Variants in CAST observed in about 807,000 individuals in gnomAD.
CAST encodes MIR583 host.
CAST carries 76 observed loss-of-function variants against 119.6 expected under a neutral mutation model. The ratio of observed to expected loss-of-function variants is 0.64; its 90% CI spans 0.53 to 0.77. The LOEUF is 0.77. Among genes scored for constraint, CAST ranks in the 30% least tolerant of loss-of-function variants. CAST has a pLI of 0.00. For synonymous variants in CAST, 319 were observed against 331.6 expected (o/e 0.96, Z 0.41); for missense variants, 953 against 946.5 (o/e 1.01, Z -0.09).
At chr5:96,469,123 T>A in the CAST span, among the ~76,000 whole-genome samples, 1 of 152,076 alleles carries the variant, frequency 6.6e-6, no homozygotes, top group Non-Finnish European at 1.5e-5. Context: ...ACCATAGCTA[T>A]GATTCATTCA....
At chr5:96,106,202 T>A in the CAST span, among the ~76,000 whole-genome samples, 1 of 152,308 alleles carries the variant, frequency 6.6e-6, no homozygotes, top group East Asian at 1.9e-4. Context: ...GATTCATTAA[T>A]TTTTTGTGTC....
chr5:96,211,790 A>G, the CAST span, among the ~76,000 whole-genome samples: 7 of 152,030 alleles, frequency 4.6e-5, no homozygotes. Context: ...GAGAACTTTA[A>G]GATTATGAAT....
the CAST span, among the ~76,000 whole-genome samples, chr5:96,075,649 A>T: frequency 8.9e-3 from 1,360 of 152,304 alleles, 30 homozygotes; most frequent in African/African-American, 0.032. Flanking sequence ...AGAGTTTTCA[A>T]AGTATTGAGT....
chr5:96,513,129 G>T, the CAST span, among the ~76,000 whole-genome samples: 1 of 152,208 alleles, frequency 6.6e-6, no homozygotes, highest in South Asian at 2.1e-4. Context: ...GCTGCTAATT[G>T]GTTGTATGAC....
chr5:96,768,069 A>G (rs1244502738), intron 29 of CAST, 70 bp downstream of exon 29: 4 of 980,514 alleles, frequency 4.1e-6, no homozygotes, highest in Non-Finnish European at 6.6e-6. Flanking sequence ...TATAAGTTTT[A>G]TTTATTGATT....
At chr5:96,493,506 T>C in the CAST span, among the ~76,000 whole-genome samples, 1 of 152,094 alleles carries the variant, frequency 6.6e-6, no homozygotes, top group Non-Finnish European at 1.5e-5. Flanking sequence ...AAAAATAAAC[T>C]CCACTGTAGC....
At chr5:96,125,697 G>A in the CAST span, among the ~76,000 whole-genome samples, 6 of 152,150 alleles carry the variant, frequency 3.9e-5, no homozygotes, top group East Asian at 5.8e-4. Context: ...CTCAATAACA[G>A]TCAGATATTA....
At position 96,771,695 on chromosome 5, in the gene CAST, G is replaced by A; in HGVS notation, c.*16G>A. 6.2e-7 allele frequency: 1 copy of A among 1,604,308 alleles called. No individual in the cohort carries two copies. The highest frequency in any genetic ancestry group is 8.5e-7 in the Non-Finnish European group (1 of 1,171,736). ...AGATGACTAAAGAAATACAAGTTAA[G>A]GTATCTGGTAAGTTGGGTGTTTATT... is the stretch of plus-strand genomic sequence containing the variant. On this transcript the variant is annotated 3_prime_UTR_variant, in exon 31 of 32. Transcript: ENST00000675179.
the CAST span, among the ~76,000 whole-genome samples, chr5:95,997,966 T>G: frequency 7.7e-6 from 1 of 129,396 alleles, no homozygotes; most frequent in Non-Finnish European, 1.6e-5. Context: ...AGAGAGGGTT[T>G]TTTTTTTTTT....
At chr5:96,630,278 T>C (rs1012241738) in intron 1 of CAST, among the ~76,000 whole-genome samples, 3 of 152,192 alleles carry the variant, frequency 2.0e-5, no homozygotes, top group African/African-American at 7.2e-5. Context: ...AATCTATTAA[T>C]ACTTAGCTAT....
At chr5:96,010,641 A>G in the CAST span, among the ~76,000 whole-genome samples, 28 of 152,222 alleles carry the variant, frequency 1.8e-4, no homozygotes, top group African/African-American at 6.3e-4. Flanking sequence ...TCTGTAAAAA[A>G]TGACATTGGT....
At chr5:96,413,891 G>A in the CAST span, among the ~76,000 whole-genome samples, 5 of 149,688 alleles carry the variant, frequency 3.3e-5, no homozygotes, top group South Asian at 2.1e-4. Flanking sequence ...AGGCCGAGGC[G>A]GGCGGATCAC....
At chr5:96,530,391 C>G (rs1448668577) in intron 1 of CAST, among the ~76,000 whole-genome samples, 1 of 152,044 alleles carries the variant, frequency 6.6e-6, no homozygotes, top group African/African-American at 2.4e-5. Context: ...TGAATACAGG[C>G]ACTATATTGG....
chr5:96,493,646 T>C, the CAST span, among the ~76,000 whole-genome samples: 1 of 152,214 alleles, frequency 6.6e-6, no homozygotes, highest in Non-Finnish European at 1.5e-5. Flanking sequence ...GGAAGTAGTT[T>C]AGAGTCCATG....
chr5:96,215,544 GAAGA>G, the CAST span: 4 of 152,068 alleles, frequency 2.6e-5, no homozygotes, highest in Admixed American at 6.6e-5. Flanking sequence ...GTTAACCCTT[GAAGA>G]ACGTGGGTCT....
chr5:95,986,086 TG>T, the CAST span, among the ~76,000 whole-genome samples: 1 of 152,224 alleles, frequency 6.6e-6, no homozygotes, highest in African/African-American at 2.4e-5. Flanking sequence ...CTGGTGATTT[TG>T]TTTTAAAAGA....
At chr5:96,611,703 A>T (rs1239400920) in intron 1 of CAST, among the ~76,000 whole-genome samples, 1 of 152,126 alleles carries the variant, frequency 6.6e-6, no homozygotes, top group African/African-American at 2.4e-5. Flanking sequence ...TACAAACTAT[A>T]CATCTGACAA....
intron 12 of CAST, 77 bp from the exon 13 acceptor site, chr5:96,740,668 A>G: frequency 9.6e-7 from 1 of 1,038,650 alleles, no homozygotes; most frequent in East Asian, 2.4e-5. Context: ...AATTCAACCC[A>G]CAACGGGCAA....
At chr5:95,969,532 A>C in the CAST span, among the ~76,000 whole-genome samples, 1 of 152,148 alleles carries the variant, frequency 6.6e-6, no homozygotes, top group Non-Finnish European at 1.5e-5. Context: ...ATTATGACAA[A>C]AAAGAGCAGA....
Sources: allele counts gnomAD v4.1 joint callset (sites outside exome capture counted in the v4.1 genomes callset), GRCh38; gene constraint gnomAD v4.1.1; transcripts MANE v1.5; gene names NCBI Gene and HGNC (gene_info 2026-07-23, HGNC 2026-07-21).